The following TUT4 variants were observed in gnomAD, a reference collection of about 807,000 sequenced individuals.
The protein encoded by TUT4 is terminal uridylyltransferase 4.
Under a neutral mutation model 192.2 loss-of-function variants are expected in TUT4, and 36 were observed. The ratio of observed to expected loss-of-function variants is 0.19; its 90% CI spans 0.14 to 0.25. TUT4 has a LOEUF of 0.25. Among genes scored for constraint, TUT4 ranks in the 10% least tolerant of loss-of-function variants. TUT4 has a pLI of 1.00. For missense variants in TUT4, 1,493 were observed against 1,957.2 expected (o/e 0.76, Z 4.47); for synonymous variants, 618 against 666.0 (o/e 0.93, Z 1.11).
intron 27 of TUT4, chr1:52,433,172 G>A (rs1385984825): frequency 6.6e-6 from 1 of 152,148 alleles, no homozygotes; most frequent in Non-Finnish European, 1.5e-5. Flanking sequence ...GGGTTCGAGT[G>A]ATTCTCCTGC....
chr1:52,448,449 C>T (rs895776091), intron 20 of TUT4, among the ~76,000 whole-genome samples: 2 of 151,810 alleles, frequency 1.3e-5, no homozygotes, highest in Non-Finnish European at 2.9e-5. Flanking sequence ...ATTGGCTGGG[C>T]GTGGTGGTTC....
intron 20 of TUT4, among the ~76,000 whole-genome samples, chr1:52,455,669 G>A (rs1307950425): frequency 6.8e-6 from 1 of 146,856 alleles, no homozygotes; most frequent in East Asian, 2.0e-4. Context: ...AGGGGAGGGG[G>A]GGAGAGGGAA....
At chr1:52,501,157 G>A (rs1673978099) in intron 4 of TUT4, among the ~76,000 whole-genome samples, 2 of 152,120 alleles carry the variant, frequency 1.3e-5, no homozygotes, top group Non-Finnish European at 2.9e-5. Flanking sequence ...ACTACTGACA[G>A]AGTAAAAAGA....
chr1:52,519,839 A>G (rs993289375), intron 2 of TUT4, among the ~76,000 whole-genome samples: 5 of 152,146 alleles, frequency 3.3e-5, no homozygotes, highest in African/African-American at 1.2e-4. Flanking sequence ...AATAAAAAAA[A>G]TTGACCCAAC....
chr1:52,448,104 A>G (rs914412372), intron 20 of TUT4, among the ~76,000 whole-genome samples: 12 of 152,260 alleles, frequency 7.9e-5, no homozygotes, highest in African/African-American at 2.9e-4. Flanking sequence ...CTACTAGACC[A>G]AAGCCACATA....
intron 2 of TUT4, among the ~76,000 whole-genome samples, chr1:52,519,450 G>A (rs186412914): frequency 3.9e-5 from 6 of 152,074 alleles, no homozygotes; most frequent in Non-Finnish European, 7.4e-5. Flanking sequence ...TGATGGCAGC[G>A]CAATTTTGTG....
At chr1:52,450,029 T>C (rs1658885686) in intron 20 of TUT4, among the ~76,000 whole-genome samples, 1 of 152,238 alleles carries the variant, frequency 6.6e-6, no homozygotes, top group African/African-American at 2.4e-5. Flanking sequence ...TTAATTTTTA[T>C]GTGAAAATTT....
At chr1:52,441,741 AT>A (rs1460181157) in intron 24 of TUT4, among the ~76,000 whole-genome samples, 1 of 152,188 alleles carries the variant, frequency 6.6e-6, no homozygotes, top group Non-Finnish European at 1.5e-5. Context: ...TATACTTAAA[AT>A]TGTCTAGCTT....
intron 24 of TUT4, among the ~76,000 whole-genome samples, chr1:52,444,165 C>T (rs910526704): frequency 8.6e-5 from 13 of 151,996 alleles, no homozygotes; most frequent in Non-Finnish European, 1.5e-4. Context: ...ATCCAGGAGG[C>T]GGAGGTTGCA....
At chr1:52,510,538 G>A (rs554275784) in intron 3 of TUT4, among the ~76,000 whole-genome samples, 2 of 152,238 alleles carry the variant, frequency 1.3e-5, no homozygotes, top group Non-Finnish European at 2.9e-5. Context: ...GTATCATGGG[G>A]ATAAATGAAT....
intron 11 of TUT4, among the ~76,000 whole-genome samples, chr1:52,479,733 G>A (rs960580962): frequency 2.0e-5 from 3 of 152,130 alleles, no homozygotes; most frequent in African/African-American, 7.2e-5. Flanking sequence ...GGAGGCTCAC[G>A]CCTGTAATCC....
At chr1:52,460,940 G>T (rs184154085) in intron 19 of TUT4, 194 bp downstream of exon 19, 4 of 376,092 alleles carry the variant, frequency 1.1e-5, no homozygotes, top group Non-Finnish European at 1.9e-5. Flanking sequence ...CATGGGAATA[G>T]AATACATACA....
chr1:52,477,615 G>C, intron 12 of TUT4, 93 bp downstream of exon 12: 1 of 1,199,332 alleles, frequency 8.3e-7, no homozygotes, highest in East Asian at 2.4e-5. Flanking sequence ...TATATATATA[G>C]TGCCACAAAG....
At chr1:52,500,580 T>C (rs547991452) in intron 4 of TUT4, among the ~76,000 whole-genome samples, 2 of 152,062 alleles carry the variant, frequency 1.3e-5, no homozygotes, top group Non-Finnish European at 2.9e-5. Flanking sequence ...CCAACCAACA[T>C]GGCAAAACTC....
chr1:52,528,224 A>G, intron 1 of TUT4, among the ~76,000 whole-genome samples: 1 of 149,440 alleles, frequency 6.7e-6, no homozygotes, highest in Admixed American at 6.7e-5. Context: ...GGCCAGGCAC[A>G]TGGCTCACAC....
chr1:52,473,548 A>G (rs758881059), intron 13 of TUT4, among the ~76,000 whole-genome samples: 6 of 152,206 alleles, frequency 3.9e-5, no homozygotes, highest in Non-Finnish European at 5.9e-5. Flanking sequence ...TAGACATTAA[A>G]TATCTATAGC....
chr1:52,535,341 A>G (rs1684622352), intron 1 of TUT4, among the ~76,000 whole-genome samples: 1 of 151,924 alleles, frequency 6.6e-6, no homozygotes, highest in Non-Finnish European at 1.5e-5. Context: ...TCTATCTTCC[A>G]ACTCTTCTAT....
intron 2 of TUT4, among the ~76,000 whole-genome samples, chr1:52,523,636 T>C (rs1427421010): frequency 1.3e-5 from 2 of 152,060 alleles, no homozygotes; most frequent in Non-Finnish European, 2.9e-5. Context: ...ACCACCACTA[T>C]TTCCTGAATC....
intron 28 of TUT4, among the ~76,000 whole-genome samples, chr1:52,429,696 G>A (rs963545682): frequency 6.6e-6 from 1 of 151,158 alleles, no homozygotes; most frequent in African/African-American, 2.4e-5. Context: ...GGGTTCAAGC[G>A]ATTCTCCTGC....
Sources: gnomAD v4.1 joint callset for allele counts (sites outside exome capture counted in the v4.1 genomes callset) on GRCh38, gnomAD v4.1.1 for gene constraint, MANE v1.5 for transcripts, NCBI Gene and HGNC (gene_info 2026-07-23, HGNC 2026-07-21) for gene names.